The following ANKRD6 variants were observed in gnomAD, a reference collection of about 807,000 sequenced individuals.
The protein encoded by ANKRD6 is ankyrin repeat domain-containing protein 6.
Under a neutral mutation model 82.3 loss-of-function variants are expected in ANKRD6, and 56 were observed. The ratio of observed to expected loss-of-function variants is 0.68; its 90% confidence interval spans 0.55 to 0.85. The LOEUF is 0.85. Among genes scored for constraint, ANKRD6 ranks in the 40% least tolerant of loss-of-function variants. ANKRD6 has a pLI of 0.00. For synonymous variants in ANKRD6, 347 were observed against 352.1 expected (o/e 0.99, Z 0.16); for missense variants, 852 against 907.6 (o/e 0.94, Z 0.79).
At chr6:89,462,886 A>G (rs1301567742) in intron 1 of ANKRD6, among the ~76,000 whole-genome samples, 14 of 137,270 alleles carry the variant, frequency 1.0e-4, no homozygotes. Context: ...TTTTTTTTCT[A>G]AGAGACAAGG....
Position 89,579,756 on chromosome 6 carries a change from C to CAAAAAAA in ANKRD6, c.120+12676_120+12682dup, listed in dbSNP as rs61159223. Among the ~76,000 whole-genome samples, 47 of 68,480 alleles carry CAAAAAAA rather than the reference C, an allele frequency of 6.9e-4. 3 individuals carry two copies. Among genetic ancestry groups the CAAAAAAA allele is most frequent in the African/African-American group, 2.0e-3 (32 of 16,406 alleles). The allele number at this position is 68,480 out of a possible 152,430, so 44.9% of individuals were successfully genotyped here. On this transcript the variant is annotated intron_variant, in intron 2 of 15. Coordinates refer to ENST00000339746, the MANE Select transcript of ANKRD6 (RefSeq NM_001242809.2). ...TGGGCCACAGAGCAAGACCCTGTCT[C>CAAAAAAA]AAAAAAAAAAAAAAAAAAAAAAGGC...
intron 1 of ANKRD6, among the ~76,000 whole-genome samples, chr6:89,471,101 G>GA (rs1775398382): frequency 6.6e-6 from 1 of 151,996 alleles, no homozygotes; most frequent in Non-Finnish European, 1.5e-5. Flanking sequence ...GTCTTCTGGG[G>GA]ACCTGAGCCT....
At chr6:89,600,863 TTATGTC>T (rs61091269) in intron 3 of ANKRD6, among the ~76,000 whole-genome samples, 99,540 of 151,052 alleles carry the variant, frequency 0.66, 34,849 homozygotes, top group Non-Finnish European at 0.79. Context: ...TGGTGACACC[TTATGTC>T]TACTAAAAAT....
intron 9 of ANKRD6, 89 bp from the exon 10 acceptor site, chr6:89,621,833 T>C: frequency 7.8e-7 from 1 of 1,282,382 alleles, no homozygotes; most frequent in Non-Finnish European, 1.1e-6. Context: ...GTAAATTCCA[T>C]TAGGTCAGAG....
chr6:89,623,401 C>T lies in ANKRD6; in HGVS notation c.898-9C>T. Reference sequence around the variant, plus strand: ...ACACAATGGGTCTCTGGGCTTTTTCCTTCTGTAGGGCAGTGTCTCAGCAGG... The same window carrying T: ...ACACAATGGGTCTCTGGGCTTTTTCTTTCTGTAGGGCAGTGTCTCAGCAGG... On this transcript the variant is annotated splice_polypyrimidine_tract_variant and intron_variant, in intron 10 of 15. Transcript: ENST00000339746. The T allele has an allele frequency of 6.2e-7, 1 of 1,605,742 alleles. No homozygotes were observed. Among genetic ancestry groups the T allele is most frequent in the Non-Finnish European group, 8.5e-7 (1 of 1,177,162 alleles).
chr6:89,446,943 A>G (rs182298411), intron 1 of ANKRD6, among the ~76,000 whole-genome samples: 1 of 152,082 alleles, frequency 6.6e-6, no homozygotes, highest in Non-Finnish European at 1.5e-5. Context: ...CTCTTCTGCC[A>G]TGATTGTGAG....
At chr6:89,473,706 T>TG (rs1472579857) in intron 1 of ANKRD6, among the ~76,000 whole-genome samples, 2 of 152,024 alleles carry the variant, frequency 1.3e-5, no homozygotes, top group Admixed American at 1.3e-4. Context: ...TAGCTAGGTG[T>TG]GGTGGCTCAC....
intron 1 of ANKRD6, among the ~76,000 whole-genome samples, chr6:89,525,494 C>T (rs986058157): frequency 9.2e-5 from 14 of 152,084 alleles, no homozygotes; most frequent in African/African-American, 3.4e-4. Context: ...GTCCAAAGGA[C>T]CACCAGGATG....
In ANKRD6 at chr6:89,631,731, T is replaced by TA. The variant is rs1807447838; in HGVS notation, c.*728dup. The stretch of plus-strand genomic sequence containing the variant: ...GTATTTTCAGTCAAAAAATCAGTTA[T>TA]ATAGTGATTTTAAAGCAGATTAATG... On this transcript the variant is annotated 3_prime_UTR_variant, in exon 16 of 16. Transcript: ENST00000339746. 6.6e-6 allele frequency: 1 copy of TA among 152,224 alleles called. No individual in the cohort carries two copies. The highest frequency in any genetic ancestry group is 2.4e-5 in the African/African-American group (1 of 41,458). 9.4% of individuals were successfully genotyped at this position (152,224 alleles called of 1,614,324 possible). A position where few individuals can be genotyped will look rare whatever the true frequency, so the allele number is the denominator to read the frequency against.
intron 1 of ANKRD6, among the ~76,000 whole-genome samples, chr6:89,545,137 T>C (rs950883397): frequency 7.2e-6 from 1 of 139,110 alleles, no homozygotes; most frequent in East Asian, 2.2e-4. Flanking sequence ...GGCGTGAACC[T>C]GGGAGGCGGA....
At chr6:89,449,393 T>G (rs1005451651) in intron 1 of ANKRD6, among the ~76,000 whole-genome samples, 1 of 152,192 alleles carries the variant, frequency 6.6e-6, no homozygotes, top group Non-Finnish European at 1.5e-5. Flanking sequence ...TTGCTTTTTA[T>G]GGATGAGCAA....
At chr6:89,481,509 T>C (rs1037557372) in intron 1 of ANKRD6, among the ~76,000 whole-genome samples, 3 of 152,156 alleles carry the variant, frequency 2.0e-5, no homozygotes, top group African/African-American at 7.2e-5. Context: ...AATTAAAGGA[T>C]ACTCAACCGT....
intron 1 of ANKRD6, among the ~76,000 whole-genome samples, chr6:89,554,155 C>T (rs971887692): frequency 8.5e-5 from 13 of 152,320 alleles, no homozygotes; most frequent in East Asian, 3.9e-4. Context: ...CCACTGCAAA[C>T]GACATGGCTG....
At chr6:89,546,901 C>T (rs1442821374) in intron 1 of ANKRD6, among the ~76,000 whole-genome samples, 1 of 152,172 alleles carries the variant, frequency 6.6e-6, no homozygotes, top group Non-Finnish European at 1.5e-5. Context: ...CTCTCTAGTC[C>T]TTGGCACTTA....
rs1045140629 is a variant in ANKRD6, at chr6:89,606,020, C to G, written c.332C>G (p.Ala111Gly). The change falls in exon 5 of 16, where the codon GCC (alanine) becomes GGC (glycine). Residue 111 changes from alanine (A) to glycine (G), a missense_variant. Ala to Gly is a moderately conservative substitution (Grantham distance 60). Coordinates refer to ENST00000339746, the MANE Select transcript of ANKRD6 (RefSeq NM_001242809.2). ...LDRQDKDGNT[A>G]LHEASWHGFS... is the part of the protein sequence containing the mutation. The stretch of plus-strand genomic sequence containing the variant: ...TGTCTTCCTTAGGATGGGAATACAG[C>G]CTTGCATGAAGCATCCTGGCATGGT... The G allele has an allele frequency of 6.3e-7, 1 of 1,595,018 alleles. No individual in the cohort carries two copies. The highest frequency in any genetic ancestry group is 1.3e-5 in the African/African-American group (1 of 74,754).
intron 1 of ANKRD6, among the ~76,000 whole-genome samples, chr6:89,480,835 G>A (rs1026124044): frequency 3.4e-4 from 50 of 148,384 alleles, no homozygotes; most frequent in Admixed American, 2.6e-3. Flanking sequence ...TCAGCTACTT[G>A]AGAGGCTGAG....
chr6:89,578,043 T>TCTGC, intron 2 of ANKRD6, among the ~76,000 whole-genome samples: 1 of 152,310 alleles, frequency 6.6e-6, no homozygotes, highest in South Asian at 2.1e-4. Flanking sequence ...AGCTTGTTCA[T>TCTGC]AGAGGGTGAG....
At chr6:89,555,718 G>A (rs184572889) in intron 1 of ANKRD6, among the ~76,000 whole-genome samples, 8 of 152,100 alleles carry the variant, frequency 5.3e-5, no homozygotes, top group Admixed American at 4.6e-4. Context: ...AGGATGCAGC[G>A]GGGGAGAGGT....
intron 3 of ANKRD6, chr6:89,598,511 C>T (rs1440321752): frequency 1.3e-6 from 1 of 753,584 alleles, no homozygotes; most frequent in Middle Eastern, 6.7e-4. Context: ...GGGGTGTTTC[C>T]TCTTGAAGAG....
Sources: allele counts gnomAD v4.1 joint callset (sites outside exome capture counted in the v4.1 genomes callset), GRCh38; gene constraint gnomAD v4.1.1; transcripts MANE v1.5; gene names NCBI Gene and HGNC (gene_info 2026-07-23, HGNC 2026-07-21).